Variants in MTSS1 observed in about 807,000 individuals in gnomAD.
MTSS1 encodes MTSS I-BAR domain containing 1, also known as protein MTSS 1.
A neutral mutation model predicts 79.0 loss-of-function variants in MTSS1; 18 were observed. The observed-to-expected ratio is 0.23, with a 90% CI of 0.16 to 0.34. The LOEUF is 0.34. MTSS1 is among the 10% of genes least tolerant of loss of function. The probability of loss-of-function intolerance (pLI) is 1.00; values close to 1 mark genes in which losing one functional copy is unlikely to be tolerated. For missense variants in MTSS1, 815 were observed against 986.2 expected (o/e 0.83, Z 2.33); for synonymous variants, 341 against 368.6 (o/e 0.93, Z 0.86).
Position 124,721,031 on chromosome 8 carries a change from G to C in MTSS1, c.72+6853C>G, listed in dbSNP as rs376386411. Among the ~76,000 whole-genome samples the C allele has an allele frequency of 1.2e-4, 18 of 152,278 alleles. No individual in the cohort carries two copies. In the South Asian group the frequency reaches 2.3e-3, roughly 19 times the overall value. ...ACTCTAGCTCCAGAATTTCTATGGA[G>C]GGGTTTAGGGGCAGTGTTGTAGCCA... On this transcript the variant is annotated intron_variant, in intron 1 of 13. Coordinates refer to ENST00000518547, the MANE Select transcript of MTSS1 (RefSeq NM_014751.6).
intron 3 of MTSS1, among the ~76,000 whole-genome samples, chr8:124,662,572 C>T (rs991120876): frequency 2.0e-5 from 3 of 152,154 alleles, no homozygotes; most frequent in Admixed American, 6.5e-5. Context: ...GGCCTCCTGA[C>T]GCACCCTCTG....
At chr8:124,609,166 C>T (rs1835345541) in intron 3 of MTSS1, among the ~76,000 whole-genome samples, 1 of 152,196 alleles carries the variant, frequency 6.6e-6, no homozygotes, top group South Asian at 2.1e-4. Flanking sequence ...TGTCCTGAGA[C>T]AGTAAATATG....
At chr8:124,611,386 G>A (rs61712455) in intron 3 of MTSS1, among the ~76,000 whole-genome samples, 2,821 of 152,210 alleles carry the variant, frequency 0.019, 81 homozygotes, top group African/African-American at 0.063. Context: ...TACAAGGAGC[G>A]GCGTGACCTG....
intron 3 of MTSS1, among the ~76,000 whole-genome samples, chr8:124,614,163 C>CAAA (rs3050528): frequency 1.4e-4 from 13 of 92,422 alleles, no homozygotes; most frequent in East Asian, 1.4e-3. Flanking sequence ...ATACCTGCCT[C>CAAA]AAAAAAAAAA....
At chr8:124,587,797 G>T (rs958535402) in intron 5 of MTSS1, among the ~76,000 whole-genome samples, 4 of 152,130 alleles carry the variant, frequency 2.6e-5, no homozygotes, top group African/African-American at 9.7e-5. Flanking sequence ...GAGCCACCAC[G>T]CCTGGCCTAT....
At chr8:124,604,933 T>C (rs189127408) in intron 3 of MTSS1, among the ~76,000 whole-genome samples, 2 of 152,220 alleles carry the variant, frequency 1.3e-5, no homozygotes, top group East Asian at 3.8e-4. Context: ...TGCACCGTAC[T>C]GGCAGCCACA....
intron 3 of MTSS1, among the ~76,000 whole-genome samples, chr8:124,638,583 G>A (rs1817460276): frequency 6.6e-6 from 1 of 152,206 alleles, no homozygotes; most frequent in African/African-American, 2.4e-5. Context: ...GATGAGATAA[G>A]CAGACACCTG....
At chr8:124,685,508 A>G (rs1184700455) in intron 3 of MTSS1, among the ~76,000 whole-genome samples, 1 of 152,172 alleles carries the variant, frequency 6.6e-6, no homozygotes, top group African/African-American at 2.4e-5. Context: ...CCCCTCAAGG[A>G]GGAAAGGCGT....
intron 6 of MTSS1, among the ~76,000 whole-genome samples, chr8:124,575,067 A>G (rs1339004832): frequency 6.6e-6 from 1 of 152,176 alleles, no homozygotes; most frequent in Non-Finnish European, 1.5e-5. Flanking sequence ...TATAAATACT[A>G]AAATACAAAA....
At chr8:124,604,984 C>A (rs1307084600) in intron 3 of MTSS1, among the ~76,000 whole-genome samples, 1 of 152,160 alleles carries the variant, frequency 6.6e-6, no homozygotes, top group South Asian at 2.1e-4. Flanking sequence ...AAAAGCAAAG[C>A]GAGAATGGTA....
intron 1 of MTSS1, among the ~76,000 whole-genome samples, chr8:124,712,830 C>T (rs555556561): frequency 1.3e-5 from 2 of 152,236 alleles, no homozygotes; most frequent in African/African-American, 2.4e-5. Context: ...TCTGTCCATC[C>T]GTCCATCTCC....
chr8:124,698,379 G>A (rs1829186048), intron 3 of MTSS1, among the ~76,000 whole-genome samples: 1 of 152,060 alleles, frequency 6.6e-6, no homozygotes, highest in African/African-American at 2.4e-5. Flanking sequence ...ACAACAAGAA[G>A]ACCCAGAAAG....
chr8:124,677,983 G>A (rs1825575281), intron 3 of MTSS1, among the ~76,000 whole-genome samples: 1 of 152,144 alleles, frequency 6.6e-6, no homozygotes, highest in Non-Finnish European at 1.5e-5. Flanking sequence ...CCTCTAACGT[G>A]TCTAGTACTG....
At chr8:124,571,835 A>G (rs1002093541) in intron 6 of MTSS1, among the ~76,000 whole-genome samples, 1 of 152,172 alleles carries the variant, frequency 6.6e-6, no homozygotes, top group East Asian at 1.9e-4. Flanking sequence ...GTGGTGGCAC[A>G]CGCCTGTAGT....
At chr8:124,588,533 T>A (rs2132619019) in intron 5 of MTSS1, among the ~76,000 whole-genome samples, 1 of 152,252 alleles carries the variant, frequency 6.6e-6, no homozygotes, top group East Asian at 1.9e-4. Flanking sequence ...ACCATCAAGG[T>A]CCCTGACAAC....
chr8:124,683,112 T>G lies in MTSS1; in HGVS notation c.208+16414A>C, dbSNP rs141203032. Among the ~76,000 whole-genome samples the G allele has an allele frequency of 3.7e-4, 56 of 152,238 alleles. No homozygotes were observed. Among genetic ancestry groups the G allele is most frequent in the African/African-American group, 1.3e-3 (52 of 41,548 alleles). The stretch of plus-strand genomic sequence containing the variant: ...CTGGCCCCATTTTATTTCCATGTGA[T>G]TTAAACCTGATGTTTAATGTGACAG... On this transcript the variant is annotated intron_variant, in intron 3 of 13. Coordinates refer to ENST00000518547, the MANE Select transcript of MTSS1 (RefSeq NM_014751.6). The surrounding 1 kb of genome is among the most constrained non-coding windows in gnomAD (Gnocchi z 4.5).
At chr8:124,658,235 G>A (rs931177958) in intron 3 of MTSS1, among the ~76,000 whole-genome samples, 1 of 152,170 alleles carries the variant, frequency 6.6e-6, no homozygotes, top group African/African-American at 2.4e-5. Context: ...GGACCAGGTG[G>A]GAGGTAACTG....
At chr8:124,670,769 C>A (rs1428674085) in intron 3 of MTSS1, among the ~76,000 whole-genome samples, 2 of 152,168 alleles carry the variant, frequency 1.3e-5, no homozygotes, top group Admixed American at 6.5e-5. Context: ...GAAACCAATT[C>A]ATCCCGTCTC....
intron 3 of MTSS1, among the ~76,000 whole-genome samples, chr8:124,644,654 C>T (rs377272719): frequency 3.9e-5 from 6 of 152,202 alleles, no homozygotes; most frequent in East Asian, 3.8e-4. Context: ...TTGAGCAGGA[C>T]GTGGTGGGGT....
Sources: allele counts gnomAD v4.1 joint callset (sites outside exome capture counted in the v4.1 genomes callset), GRCh38; gene constraint gnomAD v4.1.1; non-coding constraint Gnocchi (gnomAD v3.1); transcripts MANE v1.5; gene names NCBI Gene and HGNC (gene_info 2026-07-23, HGNC 2026-07-21).